DAPK2: variants seen among roughly 807,000 people sequenced by gnomAD.
The protein encoded by DAPK2 is death-associated protein kinase 2.
In DAPK2, 35 loss-of-function variants were observed where a neutral mutation model predicts 44.1. The ratio of observed to expected loss-of-function variants is 0.79; its 90% CI spans 0.61 to 1.05. The LOEUF (loss-of-function observed/expected upper bound fraction) is 1.05. Among genes scored for constraint, DAPK2 ranks in the 50% least tolerant of loss-of-function variants. The pLI is 0.00. For missense variants in DAPK2, 453 were observed against 483.2 expected (o/e 0.94, Z 0.59); for synonymous variants, 174 against 182.6 (o/e 0.95, Z 0.38).
upstream of DAPK2, among the ~76,000 whole-genome samples, chr15:64,041,766 G>A (rs1290835151): frequency 6.6e-6 from 1 of 152,196 alleles, no homozygotes; most frequent in African/African-American, 2.4e-5. Flanking sequence ...CTAACTCTCA[G>A]CGGGTGTATA....
chr15:64,025,765 G>T (rs1259918336), intron 1 of DAPK2, among the ~76,000 whole-genome samples: 1 of 152,048 alleles, frequency 6.6e-6, no homozygotes, highest in Non-Finnish European at 1.5e-5. Context: ...ATTAATTAAT[G>T]AAATTCAAAA....
chr15:63,960,555 TG>T (rs1255095163), intron 3 of DAPK2, among the ~76,000 whole-genome samples: 2 of 152,252 alleles, frequency 1.3e-5, no homozygotes, highest in African/African-American at 4.8e-5. Flanking sequence ...GTTGTGTCTT[TG>T]TTCTCATTGG....
At chr15:63,973,016 G>A (rs1225187837) in intron 2 of DAPK2, among the ~76,000 whole-genome samples, 2 of 152,192 alleles carry the variant, frequency 1.3e-5, no homozygotes, top group Admixed American at 6.5e-5. Context: ...GAGATCGTGG[G>A]GGTGAAAAGA....
chr15:64,027,410 A>C (rs544964074), intron 1 of DAPK2, among the ~76,000 whole-genome samples: 5 of 151,830 alleles, frequency 3.3e-5, no homozygotes, highest in African/African-American at 9.7e-5. Flanking sequence ...ACAAAAAAAA[A>C]ACCCCAAAAT....
intron 2 of DAPK2, among the ~76,000 whole-genome samples, chr15:63,979,929 C>G (rs950368437): frequency 6.6e-6 from 1 of 151,902 alleles, no homozygotes; most frequent in African/African-American, 2.4e-5. Context: ...AACAAACAAA[C>G]AAACAAAAAC....
chr15:63,957,749 T>C (rs955286509), intron 3 of DAPK2, among the ~76,000 whole-genome samples: 3 of 152,118 alleles, frequency 2.0e-5, no homozygotes, highest in Non-Finnish European at 4.4e-5. Context: ...CTTAATCCAT[T>C]CTATCATCGA....
chr15:64,006,904 TCCCTCC>T (rs1364194149), intron 1 of DAPK2, among the ~76,000 whole-genome samples: 11 of 152,000 alleles, frequency 7.2e-5, no homozygotes, highest in Admixed American at 2.0e-4. Context: ...ACATTATTCT[TCCCTCC>T]CACCCATAGG....
At chr15:63,962,617 T>C (rs2077939708) in intron 3 of DAPK2, among the ~76,000 whole-genome samples, 1 of 152,248 alleles carries the variant, frequency 6.6e-6, no homozygotes, top group South Asian at 2.1e-4. Context: ...GGAGGTCCAC[T>C]CCAGACCCTG....
At chr15:64,002,969 GGGACC>G (rs376306099) in intron 1 of DAPK2, among the ~76,000 whole-genome samples, 2,183 of 65,904 alleles carry the variant, frequency 0.033, 60 homozygotes, top group East Asian at 0.28. Flanking sequence ...TGTGTGTCGT[GGGACC>G]TGTGTGTGTG....
At chr15:64,016,699 G>A (rs2141051748) in intron 1 of DAPK2, among the ~76,000 whole-genome samples, 1 of 152,118 alleles carries the variant, frequency 6.6e-6, no homozygotes, top group East Asian at 1.9e-4. Context: ...AGGCTGAAGT[G>A]GGAAGATCGC....
intron 1 of DAPK2, among the ~76,000 whole-genome samples, chr15:64,003,204 A>C (rs2079143798): frequency 6.6e-6 from 1 of 151,624 alleles, no homozygotes; most frequent in Admixed American, 6.6e-5. Context: ...TGGACAGACG[A>C]CCCCCTACTG....
chr15:63,935,300 A>T (rs1479760125), intron 4 of DAPK2, among the ~76,000 whole-genome samples: 2 of 152,116 alleles, frequency 1.3e-5, no homozygotes, highest in Non-Finnish European at 2.9e-5. Flanking sequence ...CATGTTGGTC[A>T]GGCTGGTCTC....
rs1053026760 is a variant in DAPK2, at chr15:63,983,760, G to A, written c.93-6C>T. On this transcript the variant is annotated splice_region_variant and splice_polypyrimidine_tract_variant and intron_variant, in intron 1 of 10. Coordinates refer to ENST00000261891, the Ensembl canonical transcript of DAPK2. ...TCACGATGGCAAACTGGCCACTGTG[G>A]GGACACAGACCCACAAGATTAGGTC... is the stretch of plus-strand genomic sequence containing the variant. 1 of 1,609,296 alleles carries A rather than the reference G, an allele frequency of 6.2e-7. No homozygotes were observed. The highest frequency in any genetic ancestry group is 8.5e-7 in the Non-Finnish European group (1 of 1,179,696).
intron 1 of DAPK2, among the ~76,000 whole-genome samples, chr15:64,015,173 G>A (rs2079491574): frequency 6.6e-6 from 1 of 152,182 alleles, no homozygotes; most frequent in African/African-American, 2.4e-5. Context: ...TCTGGCAGGA[G>A]AACAAACAGC....
rs1245963912 is a variant in DAPK2 at position 64,013,443 on chromosome 15, C to G, written c.92+26727G>C. Among the ~76,000 whole-genome samples, 1 of 152,118 alleles carries G rather than the reference C, an allele frequency of 6.6e-6. No individual in the cohort carries two copies. The highest frequency in any genetic ancestry group is 1.5e-5 in the Non-Finnish European group (1 of 68,022). On this transcript the variant is annotated intron_variant, in intron 1 of 10. Transcript: ENST00000261891. This position sits in a 1 kb window ranked among gnomAD's most constrained non-coding sequence, Gnocchi z 4.7. ...TTAGTAATTGGGCAGAAAAGTGAAA[C>G]CAGGAGAGAAGCTTTCAACAGCTAT...
chr15:64,010,540 A>G (rs1450797789), intron 1 of DAPK2, among the ~76,000 whole-genome samples: 2 of 152,128 alleles, frequency 1.3e-5, no homozygotes, highest in Middle Eastern at 3.2e-3. Flanking sequence ...TCTCAGCCTC[A>G]AACCAGTTAT....
At chr15:64,029,401 C>T (rs1369461688) in intron 1 of DAPK2, among the ~76,000 whole-genome samples, 1 of 152,200 alleles carries the variant, frequency 6.6e-6, no homozygotes, top group Non-Finnish European at 1.5e-5. Context: ...TCTCCACATG[C>T]CCTCTTGCCC....
chr15:64,046,136 C>T lies in DAPK2; in HGVS notation c.-7+162G>A, dbSNP rs2080455939. Reference sequence around the variant, plus strand: ...AGCTCCCGCGCTCGGGTGCCGGCCACAATGCCCCGGGCCACGGCGTCAGGC... The same window carrying T: ...AGCTCCCGCGCTCGGGTGCCGGCCATAATGCCCCGGGCCACGGCGTCAGGC... On this transcript the variant is annotated intron_variant, in intron 1 of 11. Transcript: ENST00000457488. This position sits in a 1 kb window ranked among gnomAD's most constrained non-coding sequence, Gnocchi z 5.3. 6.6e-6 allele frequency among the ~76,000 whole-genome samples: 1 copy of T among 152,038 alleles called. No homozygotes were observed.
At position 63,923,412 on chromosome 15, in the gene DAPK2, G is replaced by T. The variant is rs888476576; in HGVS notation, c.858+1404C>A. ...CCCACCCCAGAGGGCAGTCCAAAGG[G>T]TAGGCAGAAGGCACACAAGCGGCCT... On this transcript the variant is annotated intron_variant, in intron 8 of 10. Coordinates refer to ENST00000261891, the Ensembl canonical transcript of DAPK2. This position sits in a 1 kb window ranked among gnomAD's most constrained non-coding sequence, Gnocchi z 4.2. 2 of 1,489,960 alleles carry T rather than the reference G, an allele frequency of 1.3e-6. No homozygotes were observed. The highest frequency in any genetic ancestry group is 8.9e-7 in the Non-Finnish European group (1 of 1,123,004). The allele number at this position is 1,489,960 out of a possible 1,614,324, so 92.3% of individuals were successfully genotyped here.
Sources: allele counts gnomAD v4.1 joint callset (sites outside exome capture counted in the v4.1 genomes callset), GRCh38; gene constraint gnomAD v4.1.1; non-coding constraint Gnocchi (gnomAD v3.1); transcripts MANE v1.5; gene names NCBI Gene and HGNC (gene_info 2026-07-23, HGNC 2026-07-21).